The following DUSP10 variants were observed in gnomAD, a reference collection of about 807,000 sequenced individuals.
DUSP10 encodes the protein dual specificity protein phosphatase 10.
Under a neutral mutation model 30.8 loss-of-function variants are expected in DUSP10, and 14 were observed. That is an observed-to-expected ratio of 0.46 (90% confidence interval 0.30 to 0.71). DUSP10 has a LOEUF of 0.71. DUSP10 is among the 30% of genes least tolerant of loss of function. The pLI is 0.08. For missense variants in DUSP10, 550 were observed against 619.4 expected (o/e 0.89, Z 1.19); for synonymous variants, 254 against 250.4 (o/e 1.01, Z -0.14).
In DUSP10 at chr1:221,702,173, TA is replaced by T. The variant is rs1194135135; in HGVS notation, c.*238del. 11 of 493,530 alleles carry T rather than the reference TA, an allele frequency of 2.2e-5. No individual in the cohort carries two copies. Among genetic ancestry groups the T allele is most frequent in the Middle Eastern group, 1.1e-3 (2 of 1,866 alleles). 30.6% of individuals were successfully genotyped at this position (493,530 alleles called of 1,614,324 possible). On this transcript the variant is annotated 3_prime_UTR_variant, in exon 4 of 4. Coordinates refer to ENST00000366899, the MANE Select transcript of DUSP10 (RefSeq NM_007207.6). This position sits in a 1 kb window ranked among gnomAD's most constrained non-coding sequence, Gnocchi z 4.5. ...TTGTATTATATTTTTATTGTTGGCT[TA>T]AAAAAATTACTTCTTTAACCTCCTT...
chr1:221,738,918 G>T lies in DUSP10; in HGVS notation c.811+16C>A. 6.3e-7 allele frequency: 1 copy of T among 1,581,028 alleles called. No homozygotes were observed. The highest frequency in any genetic ancestry group is 2.2e-5 in the East Asian group (1 of 44,690). On this transcript the variant is annotated intron_variant, in intron 2 of 3. Coordinates refer to ENST00000366899, the MANE Select transcript of DUSP10 (RefSeq NM_007207.6). ...GCTAATCAGGACCGTGCTTGGGAAG[G>T]GAGCAGGGGCATTACCTTTCAACAC...
rs1351662625 is a variant in DUSP10, at chr1:221,715,945, C to T, written c.812-9479G>A. On this transcript the variant is annotated intron_variant, in intron 2 of 3. Transcript: ENST00000366899. The stretch of plus-strand genomic sequence containing the variant: ...TTTGCCCCCTTCTCCACTCTTCTCT[C>T]CCTCACCTCTCCTCCCCAACTCTTG... Among the ~76,000 whole-genome samples, 3 of 151,156 alleles carry T rather than the reference C, an allele frequency of 2.0e-5. No homozygotes were observed. In the East Asian group the frequency reaches 5.9e-4, roughly 30 times the overall value.
At chr1:221,727,605 T>C (rs932725643) in intron 2 of DUSP10, among the ~76,000 whole-genome samples, 5 of 152,176 alleles carry the variant, frequency 3.3e-5, no homozygotes, top group Admixed American at 6.5e-5. Context: ...GGACTATAAT[T>C]CTGTGGTTTT....
chr1:221,721,868 G>A (rs959606756), intron 2 of DUSP10, among the ~76,000 whole-genome samples: 1 of 152,162 alleles, frequency 6.6e-6, no homozygotes, highest in African/African-American at 2.4e-5. Flanking sequence ...GGGGCACAGT[G>A]CTCAGTATAG....
intron 2 of DUSP10, among the ~76,000 whole-genome samples, chr1:221,711,230 A>G (rs1034132652): frequency 3.9e-5 from 6 of 152,230 alleles, no homozygotes; most frequent in African/African-American, 1.2e-4. Context: ...TAGAAACAGA[A>G]GAGTCCTCTG....
chr1:221,705,409 C>T lies in DUSP10; in HGVS notation c.1183+686G>A, dbSNP rs186906156. ...TACAGGCATGAGCCACCGCGCCCGGCGATATTTTGAGTCTTATAGCAGTTT... is the reference window on the plus strand; with the variant it reads ...TACAGGCATGAGCCACCGCGCCCGGTGATATTTTGAGTCTTATAGCAGTTT... On this transcript the variant is annotated intron_variant, in intron 3 of 3. Transcript: ENST00000366899. Among the ~76,000 whole-genome samples, 1,232 of 152,252 alleles carry T rather than the reference C, an allele frequency of 8.1e-3. 24 individuals carry two copies. Among genetic ancestry groups the T allele is most frequent in the African/African-American group, 0.029 (1,188 of 41,544 alleles).
At chr1:221,724,163 G>C (rs1661356620) in intron 2 of DUSP10, among the ~76,000 whole-genome samples, 1 of 152,178 alleles carries the variant, frequency 6.6e-6, no homozygotes, top group Admixed American at 6.5e-5. Flanking sequence ...TGAAGGGTGT[G>C]GGCTCTGGAG....
intron 2 of DUSP10, among the ~76,000 whole-genome samples, chr1:221,707,400 A>G (rs1383154021): frequency 6.6e-6 from 1 of 152,208 alleles, no homozygotes; most frequent in Non-Finnish European, 1.5e-5. Flanking sequence ...TCGACTTTCC[A>G]AGGCTTGTGG....
chr1:221,715,417 G>A lies in DUSP10; in HGVS notation c.812-8951C>T, dbSNP rs183699098. On this transcript the variant is annotated intron_variant, in intron 2 of 3. Coordinates refer to ENST00000366899, the MANE Select transcript of DUSP10 (RefSeq NM_007207.6). ...GAAAAGAGCTGGGGATTGGATTTCCGCCGGCTGGAGTAGCTCAGTCCACAC... is the reference window on the plus strand; with the variant it reads ...GAAAAGAGCTGGGGATTGGATTTCCACCGGCTGGAGTAGCTCAGTCCACAC... 2.0e-3 allele frequency among the ~76,000 whole-genome samples: 300 copies of A among 152,266 alleles called. 1 individual carries two copies. Among genetic ancestry groups the A allele is most frequent in the Non-Finnish European group, 3.5e-3 (236 of 68,028 alleles).
chr1:221,741,165 C>G (rs1012531983), intron 1 of DUSP10, among the ~76,000 whole-genome samples: 1 of 152,226 alleles, frequency 6.6e-6, no homozygotes, highest in East Asian at 1.9e-4. Flanking sequence ...TCGGGTTTCT[C>G]TCACCCACCT....
chr1:221,726,027 G>A (rs1327536124), intron 2 of DUSP10, among the ~76,000 whole-genome samples: 14 of 152,218 alleles, frequency 9.2e-5, no homozygotes, highest in Admixed American at 9.2e-4. Context: ...TGCAATATGT[G>A]CCTTACAGGA....
chr1:221,705,483 G>A (rs1279230374), intron 3 of DUSP10, among the ~76,000 whole-genome samples: 1 of 152,188 alleles, frequency 6.6e-6, no homozygotes, highest in African/African-American at 2.4e-5. Context: ...GCTAATAGTT[G>A]CTTCCTTCTG....
chr1:221,715,911 T>G (rs1558119693), intron 2 of DUSP10, among the ~76,000 whole-genome samples: 1 of 151,900 alleles, frequency 6.6e-6, no homozygotes, highest in East Asian at 1.9e-4. Context: ...GGTCTCTATC[T>G]CTATCCCCTT....
intron 2 of DUSP10, among the ~76,000 whole-genome samples, chr1:221,715,694 C>G (rs1448226820): frequency 6.6e-6 from 1 of 152,202 alleles, no homozygotes; most frequent in Non-Finnish European, 1.5e-5. Context: ...CCAGAAGCAA[C>G]AGCTGATGAC....
intron 2 of DUSP10, among the ~76,000 whole-genome samples, chr1:221,708,655 G>T (rs1338815630): frequency 6.6e-6 from 1 of 152,138 alleles, no homozygotes; most frequent in East Asian, 1.9e-4. Context: ...AGATAATTCT[G>T]AAGTAGAAGA....
intron 3 of DUSP10, 95 bp downstream of exon 3, chr1:221,706,000 T>C (rs1344658755): frequency 4.6e-6 from 7 of 1,511,228 alleles, no homozygotes; most frequent in Non-Finnish European, 6.2e-6. Context: ...GCTTTTCTTT[T>C]CCAACACAGG....
chr1:221,725,748 T>C (rs1661407158), intron 2 of DUSP10, among the ~76,000 whole-genome samples: 1 of 152,236 alleles, frequency 6.6e-6, no homozygotes, highest in African/African-American at 2.4e-5. Context: ...AGCACTGCAC[T>C]AAAACCTCAG....
intron 2 of DUSP10, among the ~76,000 whole-genome samples, chr1:221,717,832 T>TAA: frequency 6.6e-6 from 1 of 152,300 alleles, no homozygotes; most frequent in South Asian, 2.1e-4. Context: ...ATCTTGAACT[T>TAA]ACAGCCTCCA....
chr1:221,735,811 A>G (rs1234169400), intron 2 of DUSP10, among the ~76,000 whole-genome samples: 1 of 152,236 alleles, frequency 6.6e-6, no homozygotes, highest in East Asian at 1.9e-4. Flanking sequence ...CTTTATAGCA[A>G]AAACGGTAGC....
Sources: allele counts gnomAD v4.1 joint callset (sites outside exome capture counted in the v4.1 genomes callset), GRCh38; gene constraint gnomAD v4.1.1; non-coding constraint Gnocchi (gnomAD v3.1); transcripts MANE v1.5; gene names NCBI Gene and HGNC (gene_info 2026-07-23, HGNC 2026-07-21).